Variants in ABTB2 observed in about 807,000 individuals in gnomAD.
The protein encoded by ABTB2 is ankyrin repeat and BTB domain containing 2.
Under a neutral mutation model 104.1 loss-of-function variants are expected in ABTB2, and 56 were observed. The observed-to-expected ratio is 0.54, with a 90% confidence interval of 0.43 to 0.67. ABTB2 has a LOEUF of 0.67. Ranked by LOEUF, ABTB2 falls within the 30% of genes least tolerant of loss-of-function variation. The pLI is 0.00. For synonymous variants in ABTB2, 606 were observed against 608.2 expected (o/e 1.00, Z 0.05); for missense variants, 1,279 against 1,407.7 (o/e 0.91, Z 1.46).
chr11:34,339,161 C>T (rs149839499), intron 1 of ABTB2, among the ~76,000 whole-genome samples: 12 of 152,278 alleles, frequency 7.9e-5, no homozygotes, highest in African/African-American at 2.4e-4. Flanking sequence ...TGGTCTCCAA[C>T]GCCTGGCCAC....
chr11:34,303,403 C>G (rs1286249914), intron 1 of ABTB2, among the ~76,000 whole-genome samples: 3 of 152,164 alleles, frequency 2.0e-5, no homozygotes, highest in African/African-American at 4.8e-5. Context: ...AAACAGCTTT[C>G]CCACATCTAA....
chr11:34,288,767 G>A (rs1157834372), intron 1 of ABTB2, among the ~76,000 whole-genome samples: 1 of 151,554 alleles, frequency 6.6e-6, no homozygotes, highest in Admixed American at 6.6e-5. Flanking sequence ...TCTCCTGGGT[G>A]CACAAGGAAG....
At position 34,151,509 on chromosome 11, in the gene ABTB2, ACT is replaced by A. The variant is rs1239930433; in HGVS notation, c.*876_*877del. 1.3e-5 allele frequency: 2 copies of A among 152,234 alleles called. No homozygotes were observed. The highest frequency in any genetic ancestry group is 4.8e-5 in the African/African-American group (2 of 41,502). 9.4% of individuals were successfully genotyped at this position (152,234 alleles called of 1,614,324 possible). On this transcript the variant is annotated 3_prime_UTR_variant, in exon 17 of 17. Coordinates refer to ENST00000435224, the MANE Select transcript of ABTB2 (RefSeq NM_145804.3). ...AGGAGCCGAGAGACTTGACCAGGGG[ACT>A]CTGCTTCATCGCCCCCACAAAGGCA...
chr11:34,339,356 C>G (rs1855234805), intron 1 of ABTB2, among the ~76,000 whole-genome samples: 1 of 152,182 alleles, frequency 6.6e-6, no homozygotes, highest in Admixed American at 6.5e-5. Flanking sequence ...CACCACACCC[C>G]ACTCCACACC....
chr11:34,248,280 T>G (rs1854011261), intron 1 of ABTB2, among the ~76,000 whole-genome samples: 1 of 151,550 alleles, frequency 6.6e-6, no homozygotes, highest in Non-Finnish European at 1.5e-5. Flanking sequence ...TTGTAGAGGG[T>G]GGGGGATCTC....
intron 1 of ABTB2, among the ~76,000 whole-genome samples, chr11:34,220,297 GCCGT>G (rs1853603670): frequency 6.6e-6 from 1 of 152,208 alleles, no homozygotes; most frequent in South Asian, 2.1e-4. Context: ...TGGCTGACAT[GCCGT>G]TCTGTCTCGA....
intron 1 of ABTB2, among the ~76,000 whole-genome samples, chr11:34,316,729 G>A (rs921083781): frequency 5.9e-5 from 9 of 152,124 alleles, no homozygotes; most frequent in East Asian, 1.9e-4. Flanking sequence ...GATAAAAACC[G>A]CACCAATAAC....
intron 1 of ABTB2, among the ~76,000 whole-genome samples, chr11:34,217,126 A>G (rs951064961): frequency 6.6e-6 from 1 of 152,224 alleles, no homozygotes; most frequent in Non-Finnish European, 1.5e-5. Context: ...CACACTGCCT[A>G]TGGGATACCC....
At chr11:34,247,257 G>A (rs146469055) in intron 1 of ABTB2, among the ~76,000 whole-genome samples, 1 of 152,318 alleles carries the variant, frequency 6.6e-6, no homozygotes, top group East Asian at 1.9e-4. Context: ...TCTCATGCCA[G>A]CACCACCCCC....
chr11:34,279,090 C>T (rs1854419672), intron 1 of ABTB2, among the ~76,000 whole-genome samples: 1 of 152,160 alleles, frequency 6.6e-6, no homozygotes, highest in African/African-American at 2.4e-5. Flanking sequence ...CTGGGGAAAA[C>T]TAAGCAGAAA....
rs1490869549 is a variant in ABTB2 at position 34,357,903 on chromosome 11, C to CCGGGAGAACAGGGCGGCGG, written c.-339_-321dup. ...GTCAGTCCTCCACAGAGAAGGAATC[C>CCGGGAGAACAGGGCGGCGG]CGGGAGAACAGGGCGGCGGCGGCAG... On this transcript the variant is annotated 5_prime_UTR_variant, in exon 1 of 17. Transcript: ENST00000435224. 3.5e-6 allele frequency: 1 copy of CCGGGAGAACAGGGCGGCGG among 285,348 alleles called. No homozygotes were observed. Among genetic ancestry groups the CCGGGAGAACAGGGCGGCGG allele is most frequent in the Non-Finnish European group, 6.5e-6 (1 of 154,258 alleles). The allele number at this position is 285,348 out of a possible 1,614,324, so 17.7% of individuals were successfully genotyped here. A position where few individuals can be genotyped will look rare whatever the true frequency, so the allele number is the denominator to read the frequency against.
intron 14 of ABTB2, among the ~76,000 whole-genome samples, chr11:34,155,626 T>C (rs1480186112): frequency 6.6e-6 from 1 of 152,232 alleles, no homozygotes; most frequent in Non-Finnish European, 1.5e-5. Context: ...AGACCGGCCC[T>C]GAGGCTGCAG....
chr11:34,153,666 A>G (rs1001779893), intron 16 of ABTB2, among the ~76,000 whole-genome samples: 1 of 152,152 alleles, frequency 6.6e-6, no homozygotes, highest in Non-Finnish European at 1.5e-5. Flanking sequence ...CTTTTGAAAG[A>G]AGCTTGTGGA....
chr11:34,322,937 T>C (rs1855023584), intron 1 of ABTB2, among the ~76,000 whole-genome samples: 1 of 152,086 alleles, frequency 6.6e-6, no homozygotes. Flanking sequence ...TGAGATTGAG[T>C]CTCGCTCTAT....
intron 1 of ABTB2, among the ~76,000 whole-genome samples, chr11:34,336,165 A>AT (rs557196774): frequency 5.1e-4 from 78 of 152,104 alleles, no homozygotes; most frequent in African/African-American, 1.8e-3. Flanking sequence ...TTTTGAGCTT[A>AT]TTTTTTTCAC....
intron 9 of ABTB2, 21 bp downstream of exon 9, chr11:34,164,665 G>T: frequency 6.7e-7 from 1 of 1,483,326 alleles, no homozygotes; most frequent in Non-Finnish European, 8.9e-7. Flanking sequence ...GTCACACAGG[G>T]TGGGAATCCC....
chr11:34,347,245 G>A (rs766313247), intron 1 of ABTB2, among the ~76,000 whole-genome samples: 90 of 152,226 alleles, frequency 5.9e-4, no homozygotes, highest in Middle Eastern at 3.4e-3. Flanking sequence ...AGACCAGCCT[G>A]GCCAACATGG....
At chr11:34,311,743 C>T (rs991349673) in intron 1 of ABTB2, among the ~76,000 whole-genome samples, 2 of 152,210 alleles carry the variant, frequency 1.3e-5, no homozygotes, top group Admixed American at 1.3e-4. Flanking sequence ...ACACTTTTCT[C>T]TTTTGAGATA....
At chr11:34,153,091 A>AATT (rs1421795505) in intron 16 of ABTB2, among the ~76,000 whole-genome samples, 1 of 152,170 alleles carries the variant, frequency 6.6e-6, no homozygotes, top group Non-Finnish European at 1.5e-5. Context: ...GAAGGAGGTA[A>AATT]AGCCAACGTG....
Sources: allele counts gnomAD v4.1 joint callset (sites outside exome capture counted in the v4.1 genomes callset), GRCh38; gene constraint gnomAD v4.1.1; transcripts MANE v1.5; gene names NCBI Gene and HGNC (gene_info 2026-07-23, HGNC 2026-07-21).